MAP4: variants seen among roughly 807,000 people sequenced by gnomAD.
MAP4 encodes microtubule-associated protein 4.
In MAP4, 76 loss-of-function variants were observed where a neutral mutation model predicts 170.2. That is an observed-to-expected ratio of 0.45 (90% confidence interval 0.37 to 0.54). MAP4 has a LOEUF of 0.54. MAP4 is among the 20% of genes least tolerant of loss of function. MAP4 has a pLI of 0.00. For synonymous variants in MAP4, 909 were observed against 994.5 expected (o/e 0.91, Z 1.62); for missense variants, 2,506 against 2,748.0 (o/e 0.91, Z 1.97).
intron 1 of MAP4, among the ~76,000 whole-genome samples, chr3:48,016,046 C>T (rs927259580): frequency 6.6e-6 from 1 of 152,188 alleles, no homozygotes; most frequent in Admixed American, 6.5e-5. Flanking sequence ...GGGTTCTGTT[C>T]GTAACCACCA....
intron 1 of MAP4, among the ~76,000 whole-genome samples, chr3:48,086,037 G>A (rs940346482): frequency 2.6e-5 from 4 of 151,880 alleles, no homozygotes; most frequent in South Asian, 4.1e-4. Flanking sequence ...GGGCAACAGA[G>A]TAAGACTCCA....
At chr3:47,913,218 T>C (rs1219689100) in intron 8 of MAP4, among the ~76,000 whole-genome samples, 1 of 152,146 alleles carries the variant, frequency 6.6e-6, no homozygotes, top group Non-Finnish European at 1.5e-5. Flanking sequence ...TAATATAATA[T>C]GGATCCAAGA....
At position 47,909,913 on chromosome 3, in the gene MAP4, G is replaced by A. The variant is rs182516255; in HGVS notation, c.4508C>T (p.Thr1503Ile). 6.2e-6 allele frequency: 10 copies of A among 1,614,026 alleles called. No homozygotes were observed. The Admixed American group carries it at 1.7e-4, about 27-fold the overall frequency. ...PKGPSAVVPS[T>I]STGGVALPIT... ...AGGTAGAGCAACTCCTCCTGTGCTT[G>A]TAGAGGGCACAACAGCAGAGGGACC... Residue 1503 changes from threonine (T) to isoleucine (I), a missense_variant, in exon 9 of 21, where the codon ACA becomes ATA. By Grantham distance (89) the Thr-to-Ile change is moderately conservative. Around this residue, in one of 3 missense-constraint regions of MAP4, gnomAD observed 2,008 missense variants for 2,206.0 expected, o/e 0.91. Transcript: ENST00000683076.
intron 12 of MAP4, 25 bp from the exon 13 acceptor site, chr3:47,872,125 G>C: frequency 1.9e-6 from 3 of 1,589,044 alleles, no homozygotes; most frequent in Non-Finnish European, 2.6e-6. Flanking sequence ...GTGGGAATGA[G>C]GCCTGCAGGT....
intron 3 of MAP4, among the ~76,000 whole-genome samples, chr3:47,957,391 G>A (rs1404114680): frequency 1.3e-5 from 2 of 151,786 alleles, no homozygotes; most frequent in African/African-American, 2.4e-5. Context: ...GGCTGGTCTC[G>A]AACTCCTAAC....
Position 47,857,586 on chromosome 3 carries a change from A to T in MAP4, c.6502-74T>A, listed in dbSNP as rs2058746019. 6.0e-6 allele frequency: 6 copies of T among 997,588 alleles called. No individual in the cohort carries two copies. In the South Asian group the frequency reaches 7.9e-5, roughly 13 times the overall value. The allele number at this position is 997,588 out of a possible 1,614,324, so 61.8% of individuals were successfully genotyped here. On this transcript the variant is annotated intron_variant, in intron 17 of 20. Coordinates refer to ENST00000683076, the MANE Select transcript of MAP4 (RefSeq NM_001385682.1). ...AGAGCCAACCCCATGCTACCTTTTA[A>T]ATCTTCTCCATGTTCAGGGTTTCTC...
At chr3:47,898,461 C>T (rs1384343208) in intron 10 of MAP4, among the ~76,000 whole-genome samples, 1 of 150,684 alleles carries the variant, frequency 6.6e-6, no homozygotes, top group African/African-American at 2.5e-5. Context: ...GAGATCGCGC[C>T]ACTGCACTCC....
intron 3 of MAP4, chr3:47,973,229 A>G (rs915903335): frequency 4.1e-6 from 4 of 982,732 alleles, no homozygotes; most frequent in Non-Finnish European, 4.8e-6. Flanking sequence ...ATTTAAAAAC[A>G]AAGTTCTACA....
At chr3:48,027,860 ATCAGG>A in intron 1 of MAP4, among the ~76,000 whole-genome samples, 1 of 152,330 alleles carries the variant, frequency 6.6e-6, no homozygotes, top group African/African-American at 2.4e-5. Context: ...AAATCCGAAG[ATCAGG>A]CCATGACTAT....
intron 4 of MAP4, among the ~76,000 whole-genome samples, chr3:47,927,974 G>A (rs2100047025): frequency 6.6e-6 from 1 of 152,248 alleles, no homozygotes; most frequent in African/African-American, 2.4e-5. Context: ...AAGGTACTAT[G>A]GATCCTCTAA....
At chr3:48,070,984 C>G (rs2100140731) in intron 1 of MAP4, among the ~76,000 whole-genome samples, 1 of 151,968 alleles carries the variant, frequency 6.6e-6, no homozygotes, top group African/African-American at 2.4e-5. Context: ...GTGATCACAC[C>G]ACTGCACTCC....
In MAP4 at chr3:47,886,719, A is replaced by G. The variant is rs538703295; in HGVS notation, c.5435-9196T>C. 2.6e-5 allele frequency among the ~76,000 whole-genome samples: 4 copies of G among 152,320 alleles called. No homozygotes were observed. The East Asian group carries it at 7.7e-4, about 29-fold the overall frequency. On this transcript the variant is annotated intron_variant, in intron 10 of 20. Transcript: ENST00000683076. ...CTGTGCTCTTCTGTTGGGTCTTTCC[A>G]TTACCTATACTACCACTGGCTGGGA...
chr3:48,003,270 T>C (rs1371005360), intron 1 of MAP4, among the ~76,000 whole-genome samples: 1 of 151,840 alleles, frequency 6.6e-6, no homozygotes, highest in Non-Finnish European at 1.5e-5. Flanking sequence ...CTGGTTAACA[T>C]GGTGAAACCT....
At chr3:47,990,903 T>A (rs1411252351) in intron 2 of MAP4, among the ~76,000 whole-genome samples, 1 of 152,186 alleles carries the variant, frequency 6.6e-6, no homozygotes, top group Admixed American at 6.5e-5. Flanking sequence ...AAAAAGTATT[T>A]GAGAATTGTT....
chr3:47,882,439 C>T (rs1381405278), intron 10 of MAP4, among the ~76,000 whole-genome samples: 2 of 151,884 alleles, frequency 1.3e-5, no homozygotes, highest in Non-Finnish European at 1.5e-5. Context: ...TTTTTAATTT[C>T]CTTTTTTCAT....
intron 18 of MAP4, among the ~76,000 whole-genome samples, chr3:47,856,767 G>A (rs1266078099): frequency 6.6e-6 from 1 of 152,210 alleles, no homozygotes; most frequent in Non-Finnish European, 1.5e-5. Context: ...CTGGCCTGTG[G>A]TGGCTAGCCT....
intron 1 of MAP4, among the ~76,000 whole-genome samples, chr3:48,081,551 C>T (rs956828756): frequency 6.6e-6 from 1 of 151,888 alleles, no homozygotes; most frequent in Admixed American, 6.6e-5. Context: ...AAAAAATTAG[C>T]ATGTATTATT....
At chr3:48,000,511 C>G (rs2100098559) in intron 1 of MAP4, among the ~76,000 whole-genome samples, 1 of 152,064 alleles carries the variant, frequency 6.6e-6, no homozygotes, top group Non-Finnish European at 1.5e-5. Context: ...AATCCCTACC[C>G]CTATAGGGTT....
chr3:48,001,155 CA>C (rs2154382885), intron 1 of MAP4, among the ~76,000 whole-genome samples: 1 of 151,608 alleles, frequency 6.6e-6, no homozygotes, highest in South Asian at 2.1e-4. Context: ...TAATTAAGGC[CA>C]GGGGCAAGAT....
Sources: allele counts gnomAD v4.1 joint callset (sites outside exome capture counted in the v4.1 genomes callset), GRCh38; gene constraint gnomAD v4.1.1; regional missense constraint gnomAD v4.1.1; transcripts MANE v1.5; gene names NCBI Gene and HGNC (gene_info 2026-07-23, HGNC 2026-07-21).